Variants in FOXO3 observed in about 807,000 individuals in gnomAD.
FOXO3 encodes forkhead box protein O3.
In FOXO3, 4 loss-of-function variants were observed where a neutral mutation model predicts 41.9. That is an observed-to-expected ratio of 0.10 (90% CI 0.05 to 0.22). The LOEUF (loss-of-function observed/expected upper bound fraction) is 0.22, where lower values mean the gene tolerates loss of function less well. FOXO3 is among the 10% of genes least tolerant of loss of function. The probability of loss-of-function intolerance (pLI) is 1.00; values close to 1 mark genes in which losing one functional copy is unlikely to be tolerated. For synonymous variants in FOXO3, 318 were observed against 389.3 expected, an observed-to-expected ratio of 0.82 and a Z score of 2.16; for missense variants, 534 against 906.8, an observed-to-expected ratio of 0.59 and a Z score of 5.28.
At chr6:108,673,807 TAGGGTCACACCC>T (rs1346539910) in intron 2 of FOXO3, among the ~76,000 whole-genome samples, 1 of 152,128 alleles carries the variant, frequency 6.6e-6, no homozygotes, top group Non-Finnish European at 1.5e-5. Context: ...TCATACAGGA[TAGGGTCACACCC>T]AGCAAACATA....
upstream of FOXO3, among the ~76,000 whole-genome samples, chr6:108,560,488 G>A (rs1488532160): frequency 1.3e-5 from 2 of 152,186 alleles, no homozygotes; most frequent in South Asian, 2.1e-4. Flanking sequence ...CCAGACCCCC[G>A]TTCGCCCTCT....
intron 1 of FOXO3, among the ~76,000 whole-genome samples, chr6:108,644,720 A>G (rs1231004907): frequency 1.3e-5 from 2 of 151,994 alleles, no homozygotes; most frequent in African/African-American, 4.8e-5. Context: ...AACCCATCCC[A>G]GTGGCTTTCA....
chr6:108,674,189 C>G (rs1294260997), intron 2 of FOXO3, among the ~76,000 whole-genome samples: 1 of 152,186 alleles, frequency 6.6e-6, no homozygotes, highest in Non-Finnish European at 1.5e-5. Flanking sequence ...TCTGCCTGGA[C>G]TCAGACTAAC....
intron 1 of FOXO3, among the ~76,000 whole-genome samples, chr6:108,638,226 C>T (rs1778169048): frequency 6.6e-6 from 1 of 152,144 alleles, no homozygotes. Context: ...CCTAAGAAAC[C>T]CCACAGACTC....
At chr6:108,595,694 T>C (rs1222835469) in intron 1 of FOXO3, among the ~76,000 whole-genome samples, 1 of 152,238 alleles carries the variant, frequency 6.6e-6, no homozygotes, top group African/African-American at 2.4e-5. Flanking sequence ...CCTTCCTACA[T>C]TTCCCATTCC....
intron 2 of FOXO3, among the ~76,000 whole-genome samples, chr6:108,668,518 G>A (rs1779120595): frequency 6.6e-6 from 1 of 152,178 alleles, no homozygotes; most frequent in African/African-American, 2.4e-5. Flanking sequence ...TCTTGAGTTC[G>A]ACATGTGTCC....
chr6:108,600,562 A>G lies in FOXO3; in HGVS notation c.621+38733A>G, dbSNP rs1562239993. ...TCTCCATCTCAAAAAAAAAAAAAAA[A>G]AAAAAAAAAAAGTATGTGTGTTCAT... On this transcript the variant is annotated intron_variant, in intron 1 of 2. Coordinates refer to ENST00000406360, the MANE Select transcript of FOXO3 (RefSeq NM_001455.4). 2.0e-5 allele frequency among the ~76,000 whole-genome samples: 3 copies of G among 151,406 alleles called. 1 individual carries two copies. The South Asian group carries it at 6.2e-4, about 31-fold the overall frequency.
rs565671631 is a variant in FOXO3, at chr6:108,594,512, A to C, written c.621+32683A>C. ...GGTTTTTCTAAGGTCAGAGGCATGC[A>C]GCATTTTCTTCCCTCCTTCCCTGCC... On this transcript the variant is annotated intron_variant, in intron 1 of 2. Transcript: ENST00000406360. 1.3e-3 allele frequency among the ~76,000 whole-genome samples: 205 copies of C among 152,278 alleles called. 2 individuals carry two copies. The highest frequency in any genetic ancestry group is 4.6e-3 in the African/African-American group (191 of 41,536).
chr6:108,676,689 C>A (rs1391988469), intron 2 of FOXO3, among the ~76,000 whole-genome samples: 1 of 152,212 alleles, frequency 6.6e-6, no homozygotes, highest in Non-Finnish European at 1.5e-5. Context: ...AACTTGTACC[C>A]AAGCTAAGTA....
chr6:108,642,175 C>T (rs1051373498), intron 1 of FOXO3, among the ~76,000 whole-genome samples: 3 of 151,448 alleles, frequency 2.0e-5, no homozygotes, highest in African/African-American at 4.9e-5. Flanking sequence ...TGCAACCTCC[C>T]GTTCCCAGGC....
intron 2 of FOXO3, among the ~76,000 whole-genome samples, chr6:108,679,165 C>T (rs919410426): frequency 6.6e-6 from 1 of 152,140 alleles, no homozygotes; most frequent in African/African-American, 2.4e-5. Context: ...GCCACTGCGC[C>T]CGGCCCATTT....
upstream of FOXO3, among the ~76,000 whole-genome samples, chr6:108,560,248 T>G (rs962112898): frequency 6.6e-6 from 1 of 152,146 alleles, no homozygotes; most frequent in African/African-American, 2.4e-5. Flanking sequence ...CCCGGGAGAC[T>G]TGGCGCTTCC....
chr6:108,586,935 A>ATT (rs1776594842), intron 1 of FOXO3, among the ~76,000 whole-genome samples: 7 of 107,298 alleles, frequency 6.5e-5, no homozygotes, highest in African/African-American at 2.4e-4. Flanking sequence ...CCTGAACGTA[A>ATT]ATATTATTAT....
intron 1 of FOXO3, chr6:108,617,906 G>A: frequency 2.5e-6 from 1 of 406,906 alleles, no homozygotes; most frequent in South Asian, 2.1e-5. Context: ...GTAGTAGTCA[G>A]GGATGTATTG....
chr6:108,635,955 A>G (rs1048071508), intron 1 of FOXO3, among the ~76,000 whole-genome samples: 1 of 152,228 alleles, frequency 6.6e-6, no homozygotes, highest in African/African-American at 2.4e-5. Context: ...GACTTCTCAG[A>G]AAAAAAGAAA....
At chr6:108,655,203 C>T (rs1030458718) in intron 1 of FOXO3, among the ~76,000 whole-genome samples, 8 of 152,220 alleles carry the variant, frequency 5.3e-5, no homozygotes, top group African/African-American at 1.9e-4. Flanking sequence ...GTGACTGTCC[C>T]CAAGGCAGGG....
chr6:108,606,713 G>A (rs972727631), intron 1 of FOXO3, among the ~76,000 whole-genome samples: 5 of 152,182 alleles, frequency 3.3e-5, no homozygotes, highest in Non-Finnish European at 7.4e-5. Flanking sequence ...TTTAGTGACA[G>A]GACTACCTGT....
At chr6:108,617,319 G>A (rs191176653) in intron 1 of FOXO3, among the ~76,000 whole-genome samples, 8 of 151,842 alleles carry the variant, frequency 5.3e-5, no homozygotes, top group Non-Finnish European at 8.8e-5. Context: ...CATTTTTATG[G>A]GTCATATTTT....
At position 108,565,769 on chromosome 6, in the gene FOXO3, G is replaced by A. The variant is rs138646465; in HGVS notation, c.621+3940G>A. Reference sequence around the variant, plus strand: ...CTGTCCTGTCACATAATGCTTATTTGTGTCCTCACTGTTTCTGTTCTTTAG... The same window carrying A: ...CTGTCCTGTCACATAATGCTTATTTATGTCCTCACTGTTTCTGTTCTTTAG... On this transcript the variant is annotated intron_variant, in intron 1 of 2. Transcript: ENST00000406360. Among the ~76,000 whole-genome samples the A allele has an allele frequency of 2.3e-3, 349 of 152,276 alleles. 2 individuals are homozygous for A. Among genetic ancestry groups the A allele is most frequent in the East Asian group, 0.022 (115 of 5,186 alleles).
Sources: gnomAD v4.1 joint callset for allele counts (sites outside exome capture counted in the v4.1 genomes callset) on GRCh38, gnomAD v4.1.1 for gene constraint, MANE v1.5 for transcripts, NCBI Gene and HGNC (gene_info 2026-07-23, HGNC 2026-07-21) for gene names.